Variants in PRSS53 observed in about 807,000 individuals in gnomAD.
PRSS53 encodes serine protease 53.
PRSS53 carries 54 observed loss-of-function variants against 62.7 expected under a neutral mutation model. The ratio of observed to expected loss-of-function variants is 0.86; its 90% CI spans 0.69 to 1.08. The LOEUF is 1.08. PRSS53 is among the 50% of genes least tolerant of loss of function. The pLI is 0.00. For synonymous variants in PRSS53, 273 were observed against 300.0 expected, an observed-to-expected ratio of 0.91 and a Z score of 0.93; for missense variants, 688 against 728.3, an observed-to-expected ratio of 0.94 and a Z score of 0.64.
exon 8 of PRSS53, chr16:31,084,812 C>T (rs1233720603): frequency 1.6e-5 from 24 of 1,538,914 alleles, no homozygotes; most frequent in Non-Finnish European, 2.0e-5. Context: ...CAGAACCCAG[C>T]CACGCTCCCC....
chr16:31,085,149 G>A, exon 7 of PRSS53: 1 of 1,611,982 alleles, frequency 6.2e-7, no homozygotes, highest in East Asian at 2.2e-5. Flanking sequence ...CGCCTCCTCT[G>A]ACACCAGGGC....
chr16:31,088,125 C>G, intron 1 of PRSS53: 1 of 1,356,398 alleles, frequency 7.4e-7, no homozygotes, highest in Non-Finnish European at 9.5e-7. Flanking sequence ...AACTCCTGCC[C>G]CCGCCACTGA....
intron 7 of PRSS53, 35 bp from the exon 8 acceptor site, chr16:31,085,059 A>C: frequency 6.2e-7 from 1 of 1,610,620 alleles, no homozygotes; most frequent in Non-Finnish European, 8.5e-7. Context: ...ACCAGGTGAC[A>C]GGGCTGCCGG....
chr16:31,084,720 A>G lies in PRSS53; in HGVS notation c.1280-17T>C, dbSNP rs1424631886. The G allele has an allele frequency of 1.2e-5, 19 of 1,605,846 alleles. No individual in the cohort carries two copies. Among genetic ancestry groups the G allele is most frequent in the Non-Finnish European group, 1.6e-5 (19 of 1,174,930 alleles). ...AGCTGATGCCTGTGGAGCAAGGGAAAGCTGGCTGCCCCGGCCTGCAGGTTG... is the reference window on the plus strand; with the variant it reads ...AGCTGATGCCTGTGGAGCAAGGGAAGGCTGGCTGCCCCGGCCTGCAGGTTG... On this transcript the variant is annotated splice_polypyrimidine_tract_variant and intron_variant, in intron 8 of 10. Coordinates refer to ENST00000280606, the Ensembl canonical transcript of PRSS53.
Position 31,086,016 on chromosome 16 carries a change from G to A in PRSS53, c.831C>T (p.Phe277=). The change falls in exon 6 of 11, where the codon TTC becomes TTT. Residue 277 remains phenylalanine, a synonymous_variant. Transcript: ENST00000280606. ...CCGGGGTCTCTGGGCTCTGGGCCAG[G>A]AAAGCTGCCCCCTGAACTCGAGCCT... 1.9e-6 allele frequency: 3 copies of A among 1,614,082 alleles called. No homozygotes were observed. In the South Asian group the frequency reaches 3.3e-5, roughly 18 times the overall value.
At chr16:31,087,030 C>T in intron 3 of PRSS53, 132 bp from the exon 4 acceptor site, 1 of 975,856 alleles carries the variant, frequency 1.0e-6, no homozygotes, top group East Asian at 2.8e-5. Flanking sequence ...AGGGTCTCGT[C>T]CTGTCGCCCA....
At chr16:31,085,500 C>T (rs1049386937) in intron 6 of PRSS53, among the ~76,000 whole-genome samples, 4 of 152,152 alleles carry the variant, frequency 2.6e-5, no homozygotes, top group Non-Finnish European at 5.9e-5. Context: ...GTCCCAGCCT[C>T]GTGGGAATGC....
exon 11 of PRSS53, chr16:31,083,607 A>G: frequency 6.8e-7 from 1 of 1,479,484 alleles, no homozygotes; most frequent in Non-Finnish European, 9.0e-7. Flanking sequence ...GTCCACAGAC[A>G]CCCCTGTCCT....
At chr16:31,084,446 G>C in intron 9 of PRSS53, 111 bp from the exon 10 acceptor site, 1 of 1,494,844 alleles carries the variant, frequency 6.7e-7, no homozygotes, top group Non-Finnish European at 9.0e-7. Context: ...AAAAGGCTTA[G>C]TTTCAGGTGG....
rs1371369717 is a variant in PRSS53 at position 31,083,851 on chromosome 16, G to A, written c.1643-42C>T. 6.8e-6 allele frequency: 11 copies of A among 1,613,276 alleles called. No individual in the cohort carries two copies. The South Asian group carries it at 7.7e-5, about 11-fold the overall frequency. On this transcript the variant is annotated intron_variant, in intron 10 of 10. Transcript: ENST00000280606. Reference sequence around the variant, plus strand: ...AGGGTGGAGTTGTCCTCATCCTCACGGCTTTGGTCCCTCCCTCCCTCCCCA... The same window carrying A: ...AGGGTGGAGTTGTCCTCATCCTCACAGCTTTGGTCCCTCCCTCCCTCCCCA...
intron 3 of PRSS53, 82 bp downstream of exon 3, chr16:31,087,455 C>A: frequency 1.0e-6 from 1 of 1,002,028 alleles, no homozygotes; most frequent in Non-Finnish European, 1.5e-6. Flanking sequence ...ACTCTAGAGG[C>A]AGGGACTAGC....
intron 5 of PRSS53, 30 bp from the exon 6 acceptor site, chr16:31,086,213 A>G: frequency 6.3e-7 from 1 of 1,599,984 alleles, no homozygotes; most frequent in Non-Finnish European, 8.5e-7. Flanking sequence ...CCAAGGACAG[A>G]TGCCTGAGCC....
Position 31,086,350 on chromosome 16 carries a change from T to C in PRSS53, c.650A>G (p.Gln217Arg), listed in dbSNP as rs376647266. ...TCCCTATCAGACCTGACAGGGGCCCTGCACCCCAGGCTGGGGGCCCCCACA... is the reference window on the plus strand; with the variant it reads ...TCCCTATCAGACCTGACAGGGGCCCCGCACCCCAGGCTGGGGGCCCCCACA... Residue 217 changes from glutamine to arginine, a missense_variant, in exon 5 of 11, where the codon CAG (glutamine) becomes CGG (arginine). Coordinates refer to ENST00000280606, the Ensembl canonical transcript of PRSS53. 2.9e-5 allele frequency: 47 copies of C among 1,612,576 alleles called. No homozygotes were observed. The African/African-American group carries it at 5.2e-4, about 18-fold the overall frequency.
chr16:31,087,028 G>A (rs1005867831), intron 3 of PRSS53, 130 bp from the exon 4 acceptor site: 5 of 986,810 alleles, frequency 5.1e-6, no homozygotes, highest in African/African-American at 5.0e-5. Context: ...GTAGGGTCTC[G>A]TCCTGTCGCC....
rs565092136 is a variant in PRSS53, at chr16:31,084,536, G to A, written c.1425+22C>T. 1.9e-6 allele frequency: 3 copies of A among 1,594,770 alleles called. No individual in the cohort carries two copies. The South Asian group carries it at 3.4e-5, about 18-fold the overall frequency. ...GGGATGCCAGGGGCCTGTTAGGTAA[G>A]GTGTGGGGGCCTGGGGCTCACCTCA... On this transcript the variant is annotated intron_variant, in intron 9 of 10. Coordinates refer to ENST00000280606, the Ensembl canonical transcript of PRSS53.
exon 11 of PRSS53, chr16:31,083,608 C>A: frequency 6.7e-7 from 1 of 1,490,364 alleles, no homozygotes; most frequent in Non-Finnish European, 9.0e-7. Flanking sequence ...TCCACAGACA[C>A]CCCTGTCCTG....
At chr16:31,086,954 C>T (rs2057241696) in intron 3 of PRSS53, 56 bp from the exon 4 acceptor site, 2 of 1,498,786 alleles carry the variant, frequency 1.3e-6, no homozygotes, top group South Asian at 1.3e-5. Context: ...ACAGTGACAC[C>T]ATGGGAGACC....
intron 6 of PRSS53, among the ~76,000 whole-genome samples, chr16:31,085,651 C>T (rs141643937): frequency 3.3e-5 from 5 of 152,318 alleles, no homozygotes; most frequent in Non-Finnish European, 7.4e-5. Flanking sequence ...AATTTGCATG[C>T]CAGTCACTTA....
chr16:31,084,816 G>A (rs375546280), exon 8 of PRSS53: 17 of 1,540,720 alleles, frequency 1.1e-5, no homozygotes, highest in Non-Finnish European at 1.5e-5. Flanking sequence ...ACCCAGCCAC[G>A]CTCCCCATCA....
Sources: gnomAD v4.1 joint callset for allele counts (sites outside exome capture counted in the v4.1 genomes callset) on GRCh38, gnomAD v4.1.1 for gene constraint, MANE v1.5 for transcripts, NCBI Gene and HGNC (gene_info 2026-07-23, HGNC 2026-07-21) for gene names.